Variants in AP3D1 observed in about 807,000 individuals in gnomAD.
The protein encoded by AP3D1 is adaptor related protein complex 3 subunit delta 1, also known as AP-3 complex subunit delta-1.
A neutral mutation model predicts 147.6 loss-of-function variants in AP3D1; 51 were observed. The ratio of observed to expected loss-of-function variants is 0.35; its 90% CI spans 0.28 to 0.44. AP3D1 has a LOEUF of 0.44. Ranked by LOEUF, AP3D1 falls within the 20% of genes least tolerant of loss-of-function variation. The pLI is 1.00. For missense variants in AP3D1, 1,421 were observed against 1,624.2 expected (o/e 0.87, Z 2.15); for synonymous variants, 760 against 663.0 (o/e 1.15, Z -2.25).
intron 5 of AP3D1, among the ~76,000 whole-genome samples, chr19:2,132,210 C>G (rs1000536631): frequency 4.6e-5 from 7 of 152,150 alleles, no homozygotes; most frequent in African/African-American, 9.7e-5. Context: ...GCAAACATCC[C>G]CCACCGTGCC....
chr19:2,130,771 C>A (rs2018917233), intron 5 of AP3D1, among the ~76,000 whole-genome samples: 1 of 152,260 alleles, frequency 6.6e-6, no homozygotes. Context: ...GGCCTTCCTG[C>A]CCCAGGGTCC....
chr19:2,111,495 A>C (rs2018275467), intron 25 of AP3D1, 163 bp from the exon 26 acceptor site: 1 of 1,192,254 alleles, frequency 8.4e-7, no homozygotes, highest in South Asian at 1.5e-5. Context: ...CCAGGACCAC[A>C]CAGCCCACCA....
At chr19:2,109,523 A>C in intron 29 of AP3D1, 1 of 480,934 alleles carries the variant, frequency 2.1e-6, no homozygotes, top group Non-Finnish European at 3.7e-6. Context: ...CACGCAGAGG[A>C]CGGCCTGTGA....
At chr19:2,117,117 C>CA in intron 16 of AP3D1, 105 bp downstream of exon 16, 1 of 1,412,774 alleles carries the variant, frequency 7.1e-7, no homozygotes, top group Non-Finnish European at 9.4e-7. Context: ...ATCAGCCCCA[C>CA]ACCCTCCTGG....
At chr19:2,149,930 C>T (rs146844705) in intron 1 of AP3D1, among the ~76,000 whole-genome samples, 2 of 152,356 alleles carry the variant, frequency 1.3e-5, no homozygotes, top group African/African-American at 4.8e-5. Flanking sequence ...CTGAACATTA[C>T]TCCAGTTAGT....
chr19:2,107,107 C>G (rs1448322191), intron 31 of AP3D1, among the ~76,000 whole-genome samples: 3 of 151,358 alleles, frequency 2.0e-5, no homozygotes. Context: ...ACTAAAAATA[C>G]AAAAAATTAG....
chr19:2,146,705 C>T (rs1385014780), intron 1 of AP3D1, among the ~76,000 whole-genome samples: 5 of 152,038 alleles, frequency 3.3e-5, no homozygotes, highest in Admixed American at 6.6e-5. Flanking sequence ...TTAGAATCCA[C>T]GCCCTCTGGT....
intron 1 of AP3D1, among the ~76,000 whole-genome samples, chr19:2,142,379 G>T (rs1221644140): frequency 6.6e-6 from 1 of 152,056 alleles, no homozygotes; most frequent in African/African-American, 2.4e-5. Flanking sequence ...TGAACTCCTG[G>T]CCTCAAGTGA....
chr19:2,117,171 A>C, intron 16 of AP3D1, 51 bp downstream of exon 16: 2 of 1,529,652 alleles, frequency 1.3e-6, no homozygotes, highest in Non-Finnish European at 1.8e-6. Context: ...CCAGGCATCA[A>C]GGGACCATGT....
intron 4 of AP3D1, among the ~76,000 whole-genome samples, 178 bp downstream of exon 4, chr19:2,136,833 A>C (rs990231517): frequency 1.3e-5 from 2 of 152,316 alleles, no homozygotes; most frequent in East Asian, 3.9e-4. Flanking sequence ...GCGCAGGCTC[A>C]GACCCGCCGG....
Position 2,121,163 on chromosome 19 carries a change from C to A in AP3D1, c.1250G>T (p.Trp417Leu). 1 of 1,614,154 alleles carries A rather than the reference C, an allele frequency of 6.2e-7. No homozygotes were observed. The change falls in exon 13 of 32, where the codon TGG becomes TTG. Residue 417 changes from tryptophan to leucine, a missense_variant and splice_region_variant. Coordinates refer to ENST00000643116, the MANE Select transcript of AP3D1 (RefSeq NM_001261826.3). ...CCACACCCCTGGGAGCGGGACGCACCACTCGAAGTTGGTGATGTACTGGTA... is the reference window on the plus strand; with the variant it reads ...CCACACCCCTGGGAGCGGGACGCACAACTCGAAGTTGGTGATGTACTGGTA... ...SNYQYITNFE[W>L]YISILVELTR...
At chr19:2,158,597 C>A (rs1056263873) in intron 1 of AP3D1, among the ~76,000 whole-genome samples, 1 of 151,674 alleles carries the variant, frequency 6.6e-6, no homozygotes, top group Non-Finnish European at 1.5e-5. Context: ...CCTGAGCCAC[C>A]GATCCCAGCT....
At chr19:2,153,877 G>A (rs934896104), upstream of AP3D1, among the ~76,000 whole-genome samples, 2 of 151,644 alleles carry the variant, frequency 1.3e-5, no homozygotes, top group African/African-American at 2.4e-5. Flanking sequence ...GTCTTGCTCT[G>A]TAGCCCAGGC....
intron 1 of AP3D1, among the ~76,000 whole-genome samples, chr19:2,158,255 A>G (rs1054619687): frequency 6.6e-6 from 1 of 151,368 alleles, no homozygotes; most frequent in Non-Finnish European, 1.5e-5. Flanking sequence ...ACGGGGTTTC[A>G]CCACATTAGC....
At chr19:2,117,195 G>A in intron 16 of AP3D1, 27 bp downstream of exon 16, 1 of 1,561,718 alleles carries the variant, frequency 6.4e-7, no homozygotes, top group Non-Finnish European at 8.7e-7. Context: ...GGCCATGGTT[G>A]CAATGCCCCC....
At chr19:2,114,047 G>A in intron 22 of AP3D1, 78 bp downstream of exon 22, 2 of 1,490,448 alleles carry the variant, frequency 1.3e-6, no homozygotes, top group Non-Finnish European at 1.8e-6. Flanking sequence ...CATTTCCCCT[G>A]AGCTCACCGC....
chr19:2,116,076 C>T (rs1192974527), intron 18 of AP3D1, 131 bp downstream of exon 18: 1 of 879,014 alleles, frequency 1.1e-6, no homozygotes, highest in Admixed American at 2.4e-5. Context: ...AGGCTCCGCA[C>T]AGTCACCGTG....
chr19:2,115,345 C>T lies in AP3D1; in HGVS notation c.2223G>A (p.Lys741=). The T allele has an allele frequency of 6.2e-7, 1 of 1,609,362 alleles. No homozygotes were observed. The highest frequency in any genetic ancestry group is 8.5e-7 in the Non-Finnish European group (1 of 1,179,862). ...RRHRQKLEKD[K]RRKKRKEKEK... is the part of the protein sequence containing the mutation. ...CCTTCTCCTTCCTCTTTTTCCTCCT[C>T]TTGTCCTTCTCCAGCTTCTGCCGGT... is the stretch of plus-strand genomic sequence containing the variant. The change falls in exon 20 of 32, where the codon AAG becomes AAA. Residue 741 remains lysine (K), a synonymous_variant. Transcript: ENST00000643116.
At chr19:2,112,245 T>C (rs983104234) in intron 24 of AP3D1, 2 of 234,262 alleles carry the variant, frequency 8.5e-6, no homozygotes, top group Non-Finnish European at 8.4e-6. Flanking sequence ...TATCAACAGA[T>C]GAGTGGGTCA....
Sources: allele counts gnomAD v4.1 joint callset (sites outside exome capture counted in the v4.1 genomes callset), GRCh38; gene constraint gnomAD v4.1.1; transcripts MANE v1.5; gene names NCBI Gene and HGNC (gene_info 2026-07-23, HGNC 2026-07-21).